Variants in PAX8 observed in about 807,000 individuals in gnomAD.
The protein encoded by PAX8 is paired box protein Pax-8.
Under a neutral mutation model 52.4 loss-of-function variants are expected in PAX8, and 15 were observed. That is an observed-to-expected ratio of 0.29 (90% CI 0.19 to 0.44). PAX8 has a LOEUF of 0.44. PAX8 is among the 20% of genes least tolerant of loss of function. The probability of loss-of-function intolerance (pLI) is 1.00; values close to 1 mark genes in which losing one functional copy is unlikely to be tolerated. For synonymous variants in PAX8, 284 were observed against 249.7 expected (o/e 1.14, Z -1.29); for missense variants, 554 against 602.5 (o/e 0.92, Z 0.84).
At chr2:113,235,130 G>A (rs1040910079) in intron 9 of PAX8, among the ~76,000 whole-genome samples, 3 of 152,170 alleles carry the variant, frequency 2.0e-5, no homozygotes, top group Non-Finnish European at 4.4e-5. Context: ...TACAGCACCC[G>A]GCTCCCGGCC....
intron 7 of PAX8, chr2:113,240,697 G>T: frequency 6.6e-6 from 1 of 152,378 alleles, no homozygotes. Flanking sequence ...AAAATTCGCT[G>T]TAGCTTGTGA....
At chr2:113,234,485 C>A (rs986560932) in intron 9 of PAX8, among the ~76,000 whole-genome samples, 1 of 152,180 alleles carries the variant, frequency 6.6e-6, no homozygotes, top group African/African-American at 2.4e-5. Context: ...TCTAGAGGCT[C>A]CCTCAGGTGC....
intron 3 of PAX8, among the ~76,000 whole-genome samples, chr2:113,246,180 G>A (rs1337346360): frequency 1.3e-5 from 2 of 152,216 alleles, no homozygotes; most frequent in East Asian, 1.9e-4. Context: ...CAAAACTTGC[G>A]CCTATTTCCC....
rs540231891 is a variant in PAX8 at position 113,278,598 on chromosome 2, T to C, written c.-75-129A>G. The C allele has an allele frequency of 1.5e-4, 131 of 867,884 alleles. No homozygotes were observed. The South Asian group carries it at 1.7e-3, about 12-fold the overall frequency. The allele number at this position is 867,884 out of a possible 1,614,324, so 53.8% of individuals were successfully genotyped here. On this transcript the variant is annotated intron_variant, in intron 1 of 11. Transcript: ENST00000429538. ...GGAGTAGGAGGATTTTTAGGCGAAG[T>C]AGGGCCAACCTCAGCCTAGCCTAGC...
At chr2:113,260,232 A>G (rs1056773670) in intron 2 of PAX8, among the ~76,000 whole-genome samples, 13 of 152,164 alleles carry the variant, frequency 8.5e-5, no homozygotes, top group African/African-American at 3.1e-4. Flanking sequence ...AAGATTTTCA[A>G]CACATTTACA....
chr2:113,225,377 G>GT (rs1362720654), intron 10 of PAX8, among the ~76,000 whole-genome samples: 18 of 152,168 alleles, frequency 1.2e-4, no homozygotes, highest in African/African-American at 4.3e-4. Context: ...GCAAGCAGTG[G>GT]TAAGAGACGG....
chr2:113,248,012 A>C (rs1691463874), intron 2 of PAX8, among the ~76,000 whole-genome samples: 1 of 152,366 alleles, frequency 6.6e-6, no homozygotes, highest in South Asian at 2.1e-4. Context: ...GAAGATAAAC[A>C]GGTACTAGCC....
chr2:113,220,886 A>T (rs1037783448), intron 10 of PAX8, among the ~76,000 whole-genome samples: 1 of 152,230 alleles, frequency 6.6e-6, no homozygotes, highest in Non-Finnish European at 1.5e-5. Flanking sequence ...ACACAAAGTA[A>T]ATCAGATCAC....
intron 2 of PAX8, among the ~76,000 whole-genome samples, chr2:113,248,659 T>C (rs1304052138): frequency 6.6e-6 from 1 of 152,108 alleles, no homozygotes; most frequent in African/African-American, 2.4e-5. Flanking sequence ...TCAATTTCCC[T>C]TTAATAAAGG....
chr2:113,278,576 G>A (rs1693994654), intron 1 of PAX8, 107 bp from the exon 2 acceptor site: 2 of 1,055,950 alleles, frequency 1.9e-6, no homozygotes, highest in Non-Finnish European at 2.7e-6. Flanking sequence ...TCTGCCAGGA[G>A]TAGGAGGATT....
chr2:113,262,377 A>T (rs115683104), intron 2 of PAX8, among the ~76,000 whole-genome samples: 5,957 of 151,986 alleles, frequency 0.039, 225 homozygotes, highest in South Asian at 0.14. Context: ...TGGGAGGGGG[A>T]GTCCCCTCCT....
chr2:113,256,530 C>T (rs971579446), intron 2 of PAX8, among the ~76,000 whole-genome samples: 1 of 151,892 alleles, frequency 6.6e-6, no homozygotes, highest in Non-Finnish European at 1.5e-5. Flanking sequence ...TACTACTTGC[C>T]GGGTGGCCCA....
At position 113,220,011 on chromosome 2, in the gene PAX8, A is replaced by G. The variant is rs953738140; in HGVS notation, c.1276+81T>C. 4.2e-6 allele frequency: 4 copies of G among 960,242 alleles called. No individual in the cohort carries two copies. In the South Asian group the frequency reaches 4.2e-5, roughly 10 times the overall value. The allele number at this position is 960,242 out of a possible 1,614,324, so 59.5% of individuals were successfully genotyped here. ...TATAATCTGAGGACTCCCAGCTTTC[A>G]GGTAACCTTTGACCCACCCTTGCCC... is the stretch of plus-strand genomic sequence containing the variant. On this transcript the variant is annotated intron_variant, in intron 11 of 11. Coordinates refer to ENST00000429538, the MANE Select transcript of PAX8 (RefSeq NM_003466.4).
At chr2:113,230,033 A>G (rs2104439846) in intron 9 of PAX8, among the ~76,000 whole-genome samples, 1 of 152,344 alleles carries the variant, frequency 6.6e-6, no homozygotes, top group South Asian at 2.1e-4. Flanking sequence ...TGCCTGTCAC[A>G]TAAGGAACTA....
intron 3 of PAX8, 140 bp from the exon 4 acceptor site, chr2:113,244,764 A>T: frequency 1.3e-6 from 1 of 785,264 alleles, no homozygotes. Context: ...GCTGGTCTCA[A>T]ACGCTTGATG....
chr2:113,271,462 C>T (rs1693452918), intron 2 of PAX8: 1 of 152,116 alleles, frequency 6.6e-6, no homozygotes, highest in African/African-American at 2.4e-5. Flanking sequence ...TCATCTCCTT[C>T]CTTCTCATAG....
intron 7 of PAX8, 170 bp downstream of exon 7, chr2:113,241,381 G>C (rs1573457664): frequency 1.4e-6 from 1 of 727,132 alleles, no homozygotes; most frequent in Non-Finnish European, 2.4e-6. Context: ...GAAGATGCCA[G>C]GGCATCTGGT....
chr2:113,270,740 C>G (rs1372892511), intron 2 of PAX8: 3 of 152,364 alleles, frequency 2.0e-5, no homozygotes, highest in Non-Finnish European at 2.9e-5. Flanking sequence ...GCTGCCCTGA[C>G]AGTCACAATA....
intron 6 of PAX8, 122 bp from the exon 7 acceptor site, chr2:113,241,848 G>T: frequency 6.9e-7 from 1 of 1,455,506 alleles, no homozygotes; most frequent in Non-Finnish European, 9.6e-7. Context: ...CAGCCACGTG[G>T]GCCCAGGAGC....
Sources: allele counts gnomAD v4.1 joint callset (sites outside exome capture counted in the v4.1 genomes callset), GRCh38; gene constraint gnomAD v4.1.1; transcripts MANE v1.5; gene names NCBI Gene and HGNC (gene_info 2026-07-23, HGNC 2026-07-21).